Variants in ATP13A3 observed in about 807,000 individuals in gnomAD.
ATP13A3 encodes the protein polyamine-transporting ATPase 13A3.
A neutral mutation model predicts 158.1 loss-of-function variants in ATP13A3; 59 were observed. The observed-to-expected ratio is 0.37, with a 90% CI of 0.30 to 0.46. The LOEUF (loss-of-function observed/expected upper bound fraction) is 0.46, where lower values mean the gene tolerates loss of function less well. Ranked by LOEUF, ATP13A3 falls within the 20% of genes least tolerant of loss-of-function variation. The pLI is 1.00. For missense variants in ATP13A3, 1,166 were observed against 1,525.2 expected, an observed-to-expected ratio of 0.76 and a Z score of 3.92; for synonymous variants, 491 against 504.3, an observed-to-expected ratio of 0.97 and a Z score of 0.35.
At chr3:194,455,267 C>A (rs1400239776) in intron 8 of ATP13A3, among the ~76,000 whole-genome samples, 1 of 152,090 alleles carries the variant, frequency 6.6e-6, no homozygotes, top group Non-Finnish European at 1.5e-5. Context: ...ACTTCACCCA[C>A]CCAAATGTCA....
chr3:194,415,301 A>G (rs1361788911), intron 31 of ATP13A3, among the ~76,000 whole-genome samples: 1 of 152,238 alleles, frequency 6.6e-6, no homozygotes, highest in African/African-American at 2.4e-5. Context: ...GTAGATTGGC[A>G]GGGGAAGATG....
chr3:194,465,897 G>T (rs997080963), intron 2 of ATP13A3, among the ~76,000 whole-genome samples: 1 of 151,622 alleles, frequency 6.6e-6, no homozygotes, highest in Non-Finnish European at 1.5e-5. Context: ...CAGGAGAATC[G>T]CTTGAATCCC....
intron 2 of ATP13A3, among the ~76,000 whole-genome samples, chr3:194,479,341 G>A (rs1022989117): frequency 7.9e-5 from 12 of 152,054 alleles, no homozygotes; most frequent in Admixed American, 1.3e-4. Flanking sequence ...ACAAAATTAT[G>A]TCATTTGCCT....
upstream of ATP13A3, among the ~76,000 whole-genome samples, chr3:194,490,795 C>CT (rs1329376674): frequency 6.6e-6 from 1 of 152,238 alleles, no homozygotes; most frequent in Non-Finnish European, 1.5e-5. The surrounding 1 kb of genome is among the most constrained non-coding windows in gnomAD (Gnocchi z 4.4). Flanking sequence ...TCCACATGCT[C>CT]TCCCCTGGTG....
intron 30 of ATP13A3, among the ~76,000 whole-genome samples, chr3:194,421,914 CGACCTGGTTCTT>C (rs1234912611): frequency 2.2e-5 from 3 of 136,392 alleles, no homozygotes; most frequent in Non-Finnish European, 4.5e-5. Flanking sequence ...AACAGATTTG[CGACCTGGTTCTT>C]GACATGTGTG....
At chr3:194,406,149 C>A (rs1055271616) in intron 33 of ATP13A3, 33 bp from the exon 34 acceptor site, 3 of 1,603,772 alleles carry the variant, frequency 1.9e-6, no homozygotes, top group Non-Finnish European at 1.7e-6. Context: ...AAACAAAACA[C>A]CCCAGTTGAT....
Position 194,405,914 on chromosome 3 carries a change from C to A in ATP13A3, c.*5G>T. 1 of 1,613,428 alleles carries A rather than the reference C, an allele frequency of 6.2e-7. No homozygotes were observed. The highest frequency in any genetic ancestry group is 1.1e-5 in the South Asian group (1 of 91,024). ...ATCAGCAATACCACTGAGACTGATT[C>A]ACTGCTATGTTATGGTGATGATTTG... is the stretch of plus-strand genomic sequence containing the variant. On this transcript the variant is annotated 3_prime_UTR_variant, in exon 34 of 34. Coordinates refer to ENST00000645319, the MANE Select transcript of ATP13A3 (RefSeq NM_001367549.1).
chr3:194,429,502 CTCATTT>C (rs1409457340), intron 27 of ATP13A3, among the ~76,000 whole-genome samples, 170 bp downstream of exon 27: 1 of 152,198 alleles, frequency 6.6e-6, no homozygotes, highest in Non-Finnish European at 1.5e-5. Context: ...AACATCTTTT[CTCATTT>C]TAACTTTTTC....
At chr3:194,407,632 C>G (rs773133495) in intron 33 of ATP13A3, among the ~76,000 whole-genome samples, 4 of 152,190 alleles carry the variant, frequency 2.6e-5, no homozygotes, top group African/African-American at 4.8e-5. Context: ...ACACAATCAG[C>G]TGCACTGCTA....
rs374195974 is a variant in ATP13A3, at chr3:194,431,682, C to T, written c.2421+35G>A. On this transcript the variant is annotated intron_variant, in intron 22 of 33. Coordinates refer to ENST00000645319, the MANE Select transcript of ATP13A3 (RefSeq NM_001367549.1). ...TTTTTTCAGACTAAATTTAAATCAA[C>T]AAACTTTAAAACGGACAGTCGATCT... The T allele has an allele frequency of 7.5e-6, 11 of 1,457,608 alleles. No individual in the cohort carries two copies. In the African/African-American group the frequency reaches 1.5e-4, roughly 19 times the overall value. The allele number at this position is 1,457,608 out of a possible 1,614,324, so 90.3% of individuals were successfully genotyped here. A position where few individuals can be genotyped will look rare whatever the true frequency, so the allele number is the denominator to read the frequency against.
intron 20 of ATP13A3, among the ~76,000 whole-genome samples, chr3:194,436,203 C>T (rs1214892382): frequency 1.3e-5 from 2 of 152,104 alleles, no homozygotes; most frequent in African/African-American, 4.8e-5. Flanking sequence ...CCAAGTGACA[C>T]TCCTTTCTGC....
intron 2 of ATP13A3, among the ~76,000 whole-genome samples, chr3:194,480,184 C>T (rs12630054): frequency 0.097 from 14,775 of 152,168 alleles, 1,874 homozygotes; most frequent in African/African-American, 0.3. Flanking sequence ...CCTTTATCAC[C>T]TCTATCTGGC....
At chr3:194,478,854 C>T (rs910390804) in intron 2 of ATP13A3, among the ~76,000 whole-genome samples, 4 of 152,114 alleles carry the variant, frequency 2.6e-5, no homozygotes, top group African/African-American at 7.2e-5. Context: ...ACTCATTCAT[C>T]GATGTCTCCC....
At chr3:194,472,536 G>A (rs1720351810) in intron 2 of ATP13A3, among the ~76,000 whole-genome samples, 2 of 152,158 alleles carry the variant, frequency 1.3e-5, no homozygotes, top group Admixed American at 6.6e-5. Flanking sequence ...CAAGACTTAA[G>A]AAATAGAACT....
At chr3:194,437,021 G>T in intron 20 of ATP13A3, 74 bp downstream of exon 20, 1 of 1,484,170 alleles carries the variant, frequency 6.7e-7, no homozygotes, top group Non-Finnish European at 9.2e-7. Context: ...TCAATTACAT[G>T]CAAATTACTG....
At chr3:194,440,392 G>A (rs965219910) in intron 16 of ATP13A3, among the ~76,000 whole-genome samples, 4 of 152,160 alleles carry the variant, frequency 2.6e-5, no homozygotes, top group African/African-American at 9.6e-5. Context: ...CTCCACATGT[G>A]CAAGCATGGT....
intron 33 of ATP13A3, among the ~76,000 whole-genome samples, chr3:194,409,254 C>T (rs907135185): frequency 6.6e-6 from 1 of 152,134 alleles, no homozygotes; most frequent in African/African-American, 2.4e-5. Flanking sequence ...GTTATAATGG[C>T]GCTGTGGTTT....
At chr3:194,454,626 A>C (rs62286677) in intron 8 of ATP13A3, among the ~76,000 whole-genome samples, 1 of 151,554 alleles carries the variant, frequency 6.6e-6, no homozygotes, top group Non-Finnish European at 1.5e-5. Flanking sequence ...CAGGAGATCA[A>C]AACATCCTGG....
At chr3:194,409,510 AC>A (rs1220905189) in intron 33 of ATP13A3, among the ~76,000 whole-genome samples, 4 of 152,124 alleles carry the variant, frequency 2.6e-5, no homozygotes, top group African/African-American at 9.7e-5. Context: ...AGTTTACCAG[AC>A]ACAAGCTAGG....
Sources: allele counts gnomAD v4.1 joint callset (sites outside exome capture counted in the v4.1 genomes callset), GRCh38; gene constraint gnomAD v4.1.1; non-coding constraint Gnocchi (gnomAD v3.1); transcripts MANE v1.5; gene names NCBI Gene and HGNC (gene_info 2026-07-23, HGNC 2026-07-21).